Variants in TNRC6C observed in about 807,000 individuals in gnomAD.
The protein encoded by TNRC6C is trinucleotide repeat-containing gene 6C protein.
Under a neutral mutation model 153.7 loss-of-function variants are expected in TNRC6C, and 20 were observed. The ratio of observed to expected loss-of-function variants is 0.13; its 90% CI spans 0.09 to 0.19. TNRC6C has a LOEUF of 0.19. TNRC6C is among the 10% of genes least tolerant of loss of function. The probability of loss-of-function intolerance (pLI) is 1.00; values close to 1 mark genes in which losing one functional copy is unlikely to be tolerated. For synonymous variants in TNRC6C, 811 were observed against 841.4 expected, an observed-to-expected ratio of 0.96 and a Z score of 0.63; for missense variants, 1,987 against 2,172.0, an observed-to-expected ratio of 0.91 and a Z score of 1.69.
chr17:78,062,813 C>A (rs1007672751), intron 3 of TNRC6C, among the ~76,000 whole-genome samples: 2 of 152,220 alleles, frequency 1.3e-5, no homozygotes, highest in Admixed American at 6.5e-5. Flanking sequence ...TTAGGGTTAC[C>A]AAAAGTATAA....
chr17:78,086,603 T>A lies in TNRC6C; in HGVS notation c.3561+17T>A. 6.2e-7 allele frequency: 1 copy of A among 1,612,270 alleles called. No homozygotes were observed. The highest frequency in any genetic ancestry group is 2.2e-5 in the East Asian group (1 of 44,874). ...GAGCAGCAAGTAGGTGCTACCCAGA[T>A]TGATTTTTGTCATGAGCTATAATTT... On this transcript the variant is annotated intron_variant, in intron 12 of 19. Transcript: ENST00000301624.
At position 78,060,790 on chromosome 17, in the gene TNRC6C, T is replaced by C. The variant is rs560207315; in HGVS notation, c.2396-3932T>C. Among the ~76,000 whole-genome samples, 32 of 152,328 alleles carry C rather than the reference T, an allele frequency of 2.1e-4. 3 individuals are homozygous for C. Among genetic ancestry groups the C allele is most frequent in the African/African-American group, 7.5e-4 (31 of 41,576 alleles). On this transcript the variant is annotated intron_variant, in intron 3 of 19. Transcript: ENST00000301624. ...CAAAAAGGACTGCCCATCACACTTA[T>C]AAAGCTATGTAAGTGGCATCTGTGG...
chr17:78,073,497 T>C (rs2073033821), intron 7 of TNRC6C, among the ~76,000 whole-genome samples: 1 of 152,198 alleles, frequency 6.6e-6, no homozygotes, highest in Non-Finnish European at 1.5e-5. Context: ...CCAACTGTTG[T>C]TGAGAGAGAA....
chr17:77,992,919 A>G (rs917309478), intron 1 of TNRC6C, among the ~76,000 whole-genome samples: 1 of 152,082 alleles, frequency 6.6e-6, no homozygotes, highest in Non-Finnish European at 1.5e-5. Flanking sequence ...CCATTAGTAG[A>G]TGTGGTTCCA....
chr17:78,096,008 G>A (rs1373784226), intron 16 of TNRC6C, among the ~76,000 whole-genome samples: 1 of 152,158 alleles, frequency 6.6e-6, no homozygotes, highest in Admixed American at 6.5e-5. Context: ...CTGTGATTGG[G>A]CCACTGCACT....
At chr17:77,958,121 G>C (rs1225160386), upstream of TNRC6C, among the ~76,000 whole-genome samples, 1 of 152,158 alleles carries the variant, frequency 6.6e-6, no homozygotes, top group East Asian at 1.9e-4. Context: ...GGGCGGTGCA[G>C]GGCGTGTGCA....
At chr17:78,015,951 A>G (rs1268100386) in intron 1 of TNRC6C, among the ~76,000 whole-genome samples, 1 of 152,162 alleles carries the variant, frequency 6.6e-6, no homozygotes, top group Non-Finnish European at 1.5e-5. Flanking sequence ...AAAAGTCTAT[A>G]TGCTCTTAAC....
At chr17:78,044,091 CTTA>C (rs1474791904) in intron 2 of TNRC6C, among the ~76,000 whole-genome samples, 2 of 152,150 alleles carry the variant, frequency 1.3e-5, no homozygotes, top group Non-Finnish European at 2.9e-5. Context: ...GGTAGTATAA[CTTA>C]TTATCAAACC....
chr17:78,039,315 C>T lies in TNRC6C; in HGVS notation c.-219+7473C>T, dbSNP rs528274172. ...AACAGCAATTTCAAATCTTGCCCCC[C>T]CCCCCCACTCCCTACCTCTTACCAG... is the stretch of plus-strand genomic sequence containing the variant. On this transcript the variant is annotated intron_variant, in intron 2 of 19. Transcript: ENST00000301624. Among the ~76,000 whole-genome samples, 10 of 147,556 alleles carry T rather than the reference C, an allele frequency of 6.8e-5. 1 individual carries two copies. The highest frequency in any genetic ancestry group is 2.6e-4 in the African/African-American group (10 of 38,532).
chr17:78,087,787 A>G (rs140277389), intron 13 of TNRC6C, among the ~76,000 whole-genome samples: 47 of 152,336 alleles, frequency 3.1e-4, no homozygotes, highest in African/African-American at 1.1e-3. Context: ...TCTAACTTGT[A>G]GAAGCACACT....
intron 18 of TNRC6C, chr17:78,102,966 A>C: frequency 4.2e-6 from 1 of 237,496 alleles, no homozygotes; most frequent in Non-Finnish European, 8.3e-6. Context: ...GCAAGACCCC[A>C]TGTGTGTATT....
At chr17:77,993,611 A>C (rs1189104002) in intron 1 of TNRC6C, among the ~76,000 whole-genome samples, 3 of 152,288 alleles carry the variant, frequency 2.0e-5, no homozygotes, top group South Asian at 2.1e-4. Flanking sequence ...CTAAAGACTA[A>C]ACTTAATTAG....
At chr17:77,976,930 A>AG (rs1160020303) in intron 1 of TNRC6C, among the ~76,000 whole-genome samples, 4 of 97,274 alleles carry the variant, frequency 4.1e-5, no homozygotes, top group Non-Finnish European at 6.3e-5. Flanking sequence ...ACTCCATCTC[A>AG]GAAAAAAAAA....
At chr17:78,019,374 C>T (rs2071790400) in intron 1 of TNRC6C, among the ~76,000 whole-genome samples, 1 of 152,164 alleles carries the variant, frequency 6.6e-6, no homozygotes, top group South Asian at 2.1e-4. Context: ...GGGACAGCAG[C>T]CTGAACTTTG....
chr17:77,970,663 GTGTGTGTGTA>G (rs2144059552), intron 1 of TNRC6C, among the ~76,000 whole-genome samples: 1 of 152,266 alleles, frequency 6.6e-6, no homozygotes, highest in South Asian at 2.1e-4. Flanking sequence ...ATTTGTGTGT[GTGTGTGTGTA>G]TGTGTGTGTT....
chr17:77,988,264 A>G (rs150425238), intron 1 of TNRC6C, among the ~76,000 whole-genome samples: 96 of 152,234 alleles, frequency 6.3e-4, no homozygotes, highest in African/African-American at 2.3e-3. Flanking sequence ...CTGTGGTCCC[A>G]GCTACTCAGG....
intron 11 of TNRC6C, among the ~76,000 whole-genome samples, chr17:78,084,507 C>T (rs1345571471): frequency 1.3e-5 from 2 of 151,870 alleles, no homozygotes; most frequent in African/African-American, 2.4e-5. Context: ...GAGGGAAGGA[C>T]GTGTCCCAGA....
At chr17:78,095,765 C>T (rs533359107) in intron 16 of TNRC6C, among the ~76,000 whole-genome samples, 14 of 152,272 alleles carry the variant, frequency 9.2e-5, no homozygotes, top group Non-Finnish European at 1.9e-4. Flanking sequence ...ACTAGCAGGC[C>T]GAGCACAGTG....
exon 20 of TNRC6C, chr17:78,105,259 T>C (rs1049780070): frequency 1.3e-5 from 2 of 159,074 alleles, no homozygotes; most frequent in African/African-American, 4.8e-5. Flanking sequence ...CTGTGACGAT[T>C]ATGCACATGA....
Sources: allele counts gnomAD v4.1 joint callset (sites outside exome capture counted in the v4.1 genomes callset), GRCh38; gene constraint gnomAD v4.1.1; transcripts MANE v1.5; gene names NCBI Gene and HGNC (gene_info 2026-07-23, HGNC 2026-07-21).